Variants in GPR158 observed in about 807,000 individuals in gnomAD.
The protein encoded by GPR158 is G protein-coupled receptor 158.
GPR158 carries 30 observed loss-of-function variants against 78.2 expected under a neutral mutation model. The ratio of observed to expected loss-of-function variants is 0.38; its 90% confidence interval spans 0.29 to 0.52. GPR158 has a LOEUF of 0.52. Ranked by LOEUF, GPR158 falls within the 20% of genes least tolerant of loss-of-function variation. GPR158 has a pLI of 0.83. For missense variants in GPR158, 1,463 were observed against 1,523.5 expected (o/e 0.96, Z 0.66); for synonymous variants, 581 against 591.1 (o/e 0.98, Z 0.25).
intron 2 of GPR158, among the ~76,000 whole-genome samples, chr10:25,296,465 ATCTG>A (rs139931423): frequency 0.58 from 86,708 of 150,558 alleles, 28,232 homozygotes; most frequent in Non-Finnish European, 0.76. Context: ...TTGGTCTATC[ATCTG>A]TCTGTCTTTC....
intron 5 of GPR158, among the ~76,000 whole-genome samples, chr10:25,482,060 A>C (rs935653284): frequency 6.6e-6 from 1 of 151,994 alleles, no homozygotes; most frequent in African/African-American, 2.4e-5. Context: ...TATCTTTTTT[A>C]GCTAGTGTGC....
At chr10:25,292,076 CCA>C (rs1180357925) in intron 2 of GPR158, among the ~76,000 whole-genome samples, 1 of 151,794 alleles carries the variant, frequency 6.6e-6, no homozygotes, top group African/African-American at 2.4e-5. Flanking sequence ...AGATACACAC[CCA>C]CACACATATA....
chr10:25,197,482 G>A (rs1037093176), intron 1 of GPR158, among the ~76,000 whole-genome samples: 5 of 152,086 alleles, frequency 3.3e-5, no homozygotes, highest in East Asian at 1.9e-4. Context: ...TTTAAGATCC[G>A]TATGAATAAG....
intron 7 of GPR158, among the ~76,000 whole-genome samples, chr10:25,573,095 G>T (rs1475511102): frequency 2.6e-5 from 4 of 152,178 alleles, no homozygotes; most frequent in Non-Finnish European, 4.4e-5. Context: ...AAGGTATATA[G>T]CTTTGTTGAT....
chr10:25,582,862 G>A (rs1403853116), intron 7 of GPR158, among the ~76,000 whole-genome samples: 1 of 152,186 alleles, frequency 6.6e-6, no homozygotes, highest in Non-Finnish European at 1.5e-5. Context: ...TCTGAGGAGA[G>A]CTCCTTTAAT....
intron 5 of GPR158, among the ~76,000 whole-genome samples, chr10:25,547,359 T>C (rs1056020726): frequency 6.6e-6 from 1 of 152,168 alleles, no homozygotes; most frequent in Non-Finnish European, 1.5e-5. Context: ...TACAATGATC[T>C]GGCTCCATCT....
intron 2 of GPR158, among the ~76,000 whole-genome samples, chr10:25,282,678 G>A (rs183874246): frequency 3.3e-5 from 5 of 152,152 alleles, no homozygotes; most frequent in South Asian, 2.1e-4. Flanking sequence ...TCATAGATAC[G>A]TGTGTACTTC....
At chr10:25,409,749 T>C (rs1834560788) in intron 3 of GPR158, among the ~76,000 whole-genome samples, 2 of 152,204 alleles carry the variant, frequency 1.3e-5, no homozygotes, top group Non-Finnish European at 2.9e-5. Context: ...CAATTTCCAA[T>C]GGCTCATTTT....
intron 2 of GPR158, among the ~76,000 whole-genome samples, chr10:25,390,792 G>A (rs1458756774): frequency 6.6e-6 from 1 of 152,218 alleles, no homozygotes; most frequent in Non-Finnish European, 1.5e-5. Context: ...AAGTAACAAG[G>A]AAATGCAGAA....
intron 2 of GPR158, among the ~76,000 whole-genome samples, chr10:25,281,729 A>G (rs1286476607): frequency 1.3e-5 from 2 of 152,202 alleles, no homozygotes; most frequent in Non-Finnish European, 2.9e-5. Context: ...AGAAAAGAGT[A>G]GAATAAGCCA....
chr10:25,181,319 T>C (rs757077540), intron 1 of GPR158, among the ~76,000 whole-genome samples: 45 of 152,222 alleles, frequency 3.0e-4, no homozygotes, highest in Admixed American at 7.9e-4. Flanking sequence ...AAAAACTAAA[T>C]GAAGAACTGT....
intron 4 of GPR158, among the ~76,000 whole-genome samples, chr10:25,428,019 T>A (rs1425232346): frequency 6.6e-6 from 1 of 152,048 alleles, no homozygotes; most frequent in Non-Finnish European, 1.5e-5. Context: ...TCATACCTCT[T>A]ACTAAAAGAT....
intron 2 of GPR158, among the ~76,000 whole-genome samples, chr10:25,265,197 T>C (rs1291708361): frequency 6.6e-6 from 1 of 152,184 alleles, no homozygotes; most frequent in Non-Finnish European, 1.5e-5. Context: ...ACTCCTTTAC[T>C]TTTGGGTTGG....
rs180691313 is a variant in GPR158 at position 25,527,390 on chromosome 10, A to C, written c.1405-23586A>C. 4.2e-3 allele frequency among the ~76,000 whole-genome samples: 634 copies of C among 152,346 alleles called. 2 individuals are homozygous for C. The highest frequency in any genetic ancestry group is 0.014 in the African/African-American group (596 of 41,588). On this transcript the variant is annotated intron_variant, in intron 5 of 10. Transcript: ENST00000376351. Reference sequence around the variant, plus strand: ...AACTTTTTAAAATGGAGATAAAAAAAGAATATCCTATGACTTCAATTTGAA... The same window carrying C: ...AACTTTTTAAAATGGAGATAAAAAACGAATATCCTATGACTTCAATTTGAA...
intron 3 of GPR158, among the ~76,000 whole-genome samples, chr10:25,409,441 A>G (rs2130545601): frequency 6.6e-6 from 1 of 152,310 alleles, no homozygotes; most frequent in African/African-American, 2.4e-5. Context: ...AGTCTCAAAA[A>G]AGGCCTTCTT....
intron 5 of GPR158, among the ~76,000 whole-genome samples, chr10:25,479,831 T>C (rs1444558005): frequency 6.6e-6 from 1 of 152,160 alleles, no homozygotes; most frequent in African/African-American, 2.4e-5. Context: ...TTTTCTGTTA[T>C]ATTTCTCCTC....
At position 25,572,677 on chromosome 10, in the gene GPR158, G is replaced by A; in HGVS notation, c.1543G>A (p.Ala515Thr). The part of the protein sequence containing the change: ...RVLKVFLSRT[A>T]QRIPYMTGGR... ...TTTGAAGGTGTTTCTTTCACGAACGGCTCAACGAATTCCATATATGACTGG... is the reference window on the plus strand; with the variant it reads ...TTTGAAGGTGTTTCTTTCACGAACGACTCAACGAATTCCATATATGACTGG... Residue 515 changes from alanine to threonine, a missense_variant, in exon 7 of 11, where the codon GCT (alanine) becomes ACT (threonine). Transcript: ENST00000376351. The A allele has an allele frequency of 1.9e-6, 3 of 1,613,470 alleles. No homozygotes were observed. The highest frequency in any genetic ancestry group is 2.5e-6 in the Non-Finnish European group (3 of 1,179,462).
intron 2 of GPR158, among the ~76,000 whole-genome samples, chr10:25,262,581 C>T (rs1053380895): frequency 3.3e-5 from 5 of 151,984 alleles, no homozygotes; most frequent in African/African-American, 1.2e-4. Context: ...TTTTTAAGAG[C>T]AATTCCAGGT....
chr10:25,356,396 C>CT (rs200143277), intron 2 of GPR158, among the ~76,000 whole-genome samples: 2,543 of 151,822 alleles, frequency 0.017, 63 homozygotes, highest in African/African-American at 0.05. Flanking sequence ...CCCTTTGCGA[C>CT]TTTTTTTTGT....
Sources: allele counts gnomAD v4.1 joint callset (sites outside exome capture counted in the v4.1 genomes callset), GRCh38; gene constraint gnomAD v4.1.1; transcripts MANE v1.5; gene names NCBI Gene and HGNC (gene_info 2026-07-23, HGNC 2026-07-21).